COL24A1: variants seen among roughly 807,000 people sequenced by gnomAD.
COL24A1 encodes collagen type XXIV alpha 1 chain.
In COL24A1, 224 loss-of-function variants were observed where a neutral mutation model predicts 253.9. The ratio of observed to expected loss-of-function variants is 0.88; its 90% CI spans 0.79 to 0.99. The LOEUF (loss-of-function observed/expected upper bound fraction) is 0.99. Among genes scored for constraint, COL24A1 ranks in the 50% least tolerant of loss-of-function variants. The pLI, the probability that COL24A1 is intolerant of heterozygous loss-of-function variation, is 0.00. For synonymous variants in COL24A1, 685 were observed against 673.7 expected, an observed-to-expected ratio of 1.02 and a Z score of -0.26; for missense variants, 2,131 against 2,068.5, an observed-to-expected ratio of 1.03 and a Z score of -0.59.
intron 47 of COL24A1, among the ~76,000 whole-genome samples, chr1:85,811,420 A>C (rs946906898): frequency 6.6e-6 from 1 of 152,108 alleles, no homozygotes; most frequent in South Asian, 2.1e-4. Context: ...AATCTTTTAC[A>C]TTCCTGCCGT....
intron 42 of COL24A1, 116 bp from the exon 43 acceptor site, chr1:85,838,754 T>C: frequency 1.1e-6 from 1 of 897,524 alleles, no homozygotes; most frequent in Non-Finnish European, 1.7e-6. Context: ...ACCAAATATA[T>C]GATTTGTTTA....
chr1:85,765,542 C>T (rs570353696), intron 53 of COL24A1, among the ~76,000 whole-genome samples: 1,403 of 34,702 alleles, frequency 0.04, 57 homozygotes, highest in South Asian at 0.26. Context: ...CTGTCTCTAC[C>T]GAAAAAAAAA....
At chr1:85,999,434 C>T (rs377605221) in intron 19 of COL24A1, among the ~76,000 whole-genome samples, 2 of 151,976 alleles carry the variant, frequency 1.3e-5, no homozygotes, top group East Asian at 3.9e-4. Flanking sequence ...CTGGGTAACA[C>T]AATGAAAACC....
chr1:85,758,772 T>C (rs1421396059), intron 55 of COL24A1, among the ~76,000 whole-genome samples: 1 of 152,168 alleles, frequency 6.6e-6, no homozygotes, highest in Non-Finnish European at 1.5e-5. Context: ...TAAAAAGTTC[T>C]GTAAAACCAT....
intron 47 of COL24A1, among the ~76,000 whole-genome samples, chr1:85,813,064 A>C (rs1672703974): frequency 6.6e-6 from 1 of 152,162 alleles, no homozygotes; most frequent in Admixed American, 6.5e-5. Context: ...CACAGCACGA[A>C]TTATATGTCA....
chr1:85,764,455 T>TACACACACACAC (rs71075861), intron 53 of COL24A1, among the ~76,000 whole-genome samples: 5 of 137,258 alleles, frequency 3.6e-5, no homozygotes, highest in East Asian at 2.2e-4. Flanking sequence ...AGGTGGAGGA[T>TACACACACACAC]ACACACACAC....
chr1:85,768,793 C>T (rs1156365007), intron 53 of COL24A1, among the ~76,000 whole-genome samples: 3 of 152,114 alleles, frequency 2.0e-5, no homozygotes, highest in Admixed American at 2.0e-4. Context: ...TTATATTAGA[C>T]AGCTCATTAT....
chr1:85,991,048 T>C (rs1571503422), intron 19 of COL24A1, among the ~76,000 whole-genome samples: 1 of 152,212 alleles, frequency 6.6e-6, no homozygotes, highest in South Asian at 2.1e-4. Flanking sequence ...GCATCAACTA[T>C]TACTAACATC....
intron 1 of COL24A1, among the ~76,000 whole-genome samples, chr1:86,146,767 T>A (rs933776112): frequency 6.6e-6 from 1 of 152,038 alleles, no homozygotes; most frequent in African/African-American, 2.4e-5. Context: ...CCTGTAGATG[T>A]CAACATTGAG....
At chr1:85,824,541 T>C (rs1040341855) in intron 43 of COL24A1, among the ~76,000 whole-genome samples, 1 of 152,160 alleles carries the variant, frequency 6.6e-6, no homozygotes, top group African/African-American at 2.4e-5. Flanking sequence ...ACGGTAGATT[T>C]ACTGGGCTGA....
chr1:86,115,412 T>G (rs1401781041), intron 3 of COL24A1, 34 bp from the exon 4 acceptor site: 6 of 1,586,536 alleles, frequency 3.8e-6, no homozygotes, highest in African/African-American at 1.3e-5. Flanking sequence ...TTAGGCATGA[T>G]AGTGGACACA....
chr1:85,813,532 C>CTTTTTTTT (rs765607746), intron 47 of COL24A1, among the ~76,000 whole-genome samples: 2 of 76,246 alleles, frequency 2.6e-5, no homozygotes, highest in Admixed American at 1.6e-4. Context: ...TCATTCAGGT[C>CTTTTTTTT]TTTTTTTTTT....
chr1:85,987,482 G>C, intron 20 of COL24A1, 119 bp downstream of exon 20: 1 of 898,020 alleles, frequency 1.1e-6, no homozygotes, highest in Non-Finnish European at 1.8e-6. Context: ...ATGTACCTGA[G>C]ACAGCTTAAA....
At chr1:85,741,073 C>T (rs1199186825) in intron 57 of COL24A1, among the ~76,000 whole-genome samples, 4 of 147,056 alleles carry the variant, frequency 2.7e-5, no homozygotes, top group Non-Finnish European at 3.0e-5. Context: ...GAGCCGAGAT[C>T]GAGCCACTGC....
chr1:85,906,469 G>T (rs1442560472), intron 28 of COL24A1, among the ~76,000 whole-genome samples: 1 of 151,360 alleles, frequency 6.6e-6, no homozygotes, highest in Non-Finnish European at 1.5e-5. Flanking sequence ...GACACACTAA[G>T]GTTTGAATAC....
intron 53 of COL24A1, among the ~76,000 whole-genome samples, chr1:85,766,844 G>T (rs576138609): frequency 6.6e-6 from 1 of 152,026 alleles, no homozygotes; most frequent in Non-Finnish European, 1.5e-5. Context: ...GATGGCTCAC[G>T]CCTGTAATCC....
At chr1:85,906,346 C>A (rs1303418710) in intron 28 of COL24A1, among the ~76,000 whole-genome samples, 1 of 133,666 alleles carries the variant, frequency 7.5e-6, no homozygotes, top group Non-Finnish European at 1.6e-5. Flanking sequence ...AAACTTAAAT[C>A]AAAGTAAGGT....
intron 37 of COL24A1, among the ~76,000 whole-genome samples, chr1:85,854,674 T>C (rs934565779): frequency 2.0e-5 from 3 of 151,960 alleles, no homozygotes; most frequent in African/African-American, 7.2e-5. Context: ...ATTGTAGAGA[T>C]CTTTCACCTC....
intron 12 of COL24A1, among the ~76,000 whole-genome samples, chr1:86,045,169 T>C (rs1314781095): frequency 6.6e-6 from 1 of 152,014 alleles, no homozygotes; most frequent in African/African-American, 2.4e-5. Flanking sequence ...TTTGTATTTG[T>C]AGTAGAGATG....
Sources: gnomAD v4.1 joint callset for allele counts (sites outside exome capture counted in the v4.1 genomes callset) on GRCh38, gnomAD v4.1.1 for gene constraint, MANE v1.5 for transcripts, NCBI Gene and HGNC (gene_info 2026-07-23, HGNC 2026-07-21) for gene names.